SLC39A11: variants seen among roughly 807,000 people sequenced by gnomAD.
SLC39A11 encodes zinc transporter ZIP11.
SLC39A11 carries 33 observed loss-of-function variants against 36.1 expected under a neutral mutation model. The observed-to-expected ratio is 0.91, with a 90% CI of 0.69 to 1.22. SLC39A11 has a LOEUF of 1.22. Among genes scored for constraint, SLC39A11 ranks in the 50% most tolerant of loss-of-function variants. SLC39A11 has a pLI of 0.00. For synonymous variants in SLC39A11, 166 were observed against 170.3 expected (o/e 0.97, Z 0.20); for missense variants, 432 against 430.3 (o/e 1.00, Z -0.03).
chr17:72,817,231 G>A (rs2145484460), intron 6 of SLC39A11, among the ~76,000 whole-genome samples: 1 of 151,814 alleles, frequency 6.6e-6, no homozygotes, highest in South Asian at 2.1e-4. Flanking sequence ...TCCACTCATG[G>A]TGGAAGGCAA....
intron 7 of SLC39A11, among the ~76,000 whole-genome samples, chr17:72,708,944 T>TC (rs1227708532): frequency 6.6e-6 from 1 of 151,838 alleles, no homozygotes; most frequent in Admixed American, 6.6e-5. Context: ...TCTTTTCTTT[T>TC]TTTTTTTTTG....
At chr17:72,952,574 C>T (rs962441450) in intron 4 of SLC39A11, among the ~76,000 whole-genome samples, 4 of 152,214 alleles carry the variant, frequency 2.6e-5, no homozygotes, top group African/African-American at 9.6e-5. Context: ...TAAATACAGC[C>T]TTGGCCCGTG....
In SLC39A11 at chr17:72,847,920, T is replaced by A. The variant is rs189267288; in HGVS notation, c.601+1714A>T. Among the ~76,000 whole-genome samples, 329 of 152,312 alleles carry A rather than the reference T, an allele frequency of 2.2e-3. 8 individuals are homozygous for A. The highest frequency in any genetic ancestry group is 0.019 in the Admixed American group (292 of 15,304). On this transcript the variant is annotated intron_variant, in intron 6 of 9. Transcript: ENST00000255559. The stretch of plus-strand genomic sequence containing the variant: ...AGTAACAGATTGGCACCATGAACTC[T>A]GCAAGGACTCAGAAAATGTATCACC...
chr17:73,088,463 C>A (rs750921095), intron 2 of SLC39A11, among the ~76,000 whole-genome samples, 194 bp downstream of exon 2: 8 of 152,086 alleles, frequency 5.3e-5, no homozygotes, highest in Non-Finnish European at 1.2e-4. Context: ...CTACAGCAAG[C>A]AGACATCTGT....
chr17:72,706,957 G>A (rs1358563322), intron 7 of SLC39A11, among the ~76,000 whole-genome samples: 3 of 152,188 alleles, frequency 2.0e-5, no homozygotes, highest in Admixed American at 6.5e-5. Context: ...CTCTAGGGCC[G>A]GGCTCTATCC....
intron 7 of SLC39A11, among the ~76,000 whole-genome samples, chr17:72,662,545 GAAAAGAAAAAAGA>G (rs2070492165): frequency 3.6e-5 from 2 of 56,064 alleles, no homozygotes; most frequent in Non-Finnish European, 6.7e-5. Flanking sequence ...GAGAAAGAAA[GAAAAGAAAAAAGA>G]AAAGAAAAGA....
At chr17:72,650,862 C>T (rs965659641) in intron 7 of SLC39A11, among the ~76,000 whole-genome samples, 4 of 152,168 alleles carry the variant, frequency 2.6e-5, no homozygotes, top group Admixed American at 6.5e-5. Context: ...GACTGGGACA[C>T]ACTCGTGGCC....
At chr17:73,069,849 C>T (rs2060108095) in intron 3 of SLC39A11, among the ~76,000 whole-genome samples, 1 of 152,102 alleles carries the variant, frequency 6.6e-6, no homozygotes, top group African/African-American at 2.4e-5. Flanking sequence ...TAAATTGCAG[C>T]AGAAGACATT....
chr17:72,989,768 T>C (rs913909023), intron 4 of SLC39A11, among the ~76,000 whole-genome samples: 1 of 152,216 alleles, frequency 6.6e-6, no homozygotes, highest in African/African-American at 2.4e-5. Flanking sequence ...AAACAGATCA[T>C]TACGTAAAGT....
chr17:72,902,947 G>C (rs2082468733), intron 5 of SLC39A11, among the ~76,000 whole-genome samples: 1 of 95,920 alleles, frequency 1.0e-5, no homozygotes, highest in Non-Finnish European at 2.0e-5. Flanking sequence ...ATAAATTGTA[G>C]TTAGAAAAAA....
intron 3 of SLC39A11, among the ~76,000 whole-genome samples, chr17:73,035,546 T>C (rs1238062985): frequency 6.6e-6 from 1 of 151,954 alleles, no homozygotes; most frequent in Non-Finnish European, 1.5e-5. Context: ...GCACATGGGA[T>C]TAAATTAAGG....
At chr17:73,025,730 C>T (rs151015493) in intron 4 of SLC39A11, among the ~76,000 whole-genome samples, 276 of 151,966 alleles carry the variant, frequency 1.8e-3, no homozygotes, top group East Asian at 0.018. Context: ...GCTATAAAGT[C>T]GATTTAAAGT....
At chr17:72,989,431 G>T (rs758272735) in intron 4 of SLC39A11, among the ~76,000 whole-genome samples, 8 of 152,164 alleles carry the variant, frequency 5.3e-5, no homozygotes, top group Non-Finnish European at 8.8e-5. Context: ...ACATAACAGC[G>T]AGGGTATAAA....
At chr17:73,034,660 C>T (rs141642737) in intron 3 of SLC39A11, among the ~76,000 whole-genome samples, 13 of 152,258 alleles carry the variant, frequency 8.5e-5, no homozygotes, top group African/African-American at 2.9e-4. Flanking sequence ...CCCTGCACTC[C>T]GATGAAAAAA....
chr17:72,781,701 G>C (rs1266410860), intron 6 of SLC39A11, among the ~76,000 whole-genome samples: 1 of 152,156 alleles, frequency 6.6e-6, no homozygotes, highest in Non-Finnish European at 1.5e-5. Context: ...TTACAGGCGT[G>C]AGCCACTGTA....
chr17:72,788,244 C>T (rs2076583323), intron 6 of SLC39A11, among the ~76,000 whole-genome samples: 2 of 152,210 alleles, frequency 1.3e-5, no homozygotes, highest in South Asian at 2.1e-4. Flanking sequence ...TTCATCTGGC[C>T]TCTCTGCTAT....
At chr17:72,906,659 T>C (rs956769330) in intron 5 of SLC39A11, among the ~76,000 whole-genome samples, 2 of 152,224 alleles carry the variant, frequency 1.3e-5, no homozygotes, top group African/African-American at 4.8e-5. Flanking sequence ...CCTTGTTTAA[T>C]GAAACAGGGC....
intron 4 of SLC39A11, among the ~76,000 whole-genome samples, chr17:73,013,647 C>T (rs2090646785): frequency 6.6e-6 from 1 of 151,812 alleles, no homozygotes; most frequent in African/African-American, 2.4e-5. Context: ...GAATGTAACA[C>T]AATAAAAATT....
chr17:72,898,347 G>A (rs2082135557), intron 5 of SLC39A11, among the ~76,000 whole-genome samples: 1 of 152,178 alleles, frequency 6.6e-6, no homozygotes, highest in Non-Finnish European at 1.5e-5. Flanking sequence ...CAGGCCTCCC[G>A]GCGCATCCAC....
Sources: allele counts gnomAD v4.1 joint callset (sites outside exome capture counted in the v4.1 genomes callset), GRCh38; gene constraint gnomAD v4.1.1; transcripts MANE v1.5; gene names NCBI Gene and HGNC (gene_info 2026-07-23, HGNC 2026-07-21).